The following PLCB1 variants were observed in gnomAD, a reference collection of about 807,000 sequenced individuals.
PLCB1 encodes the protein phospholipase C beta 1, also known as 1-phosphatidylinositol 4,5-bisphosphate phosphodiesterase beta-1.
A neutral mutation model predicts 161.8 loss-of-function variants in PLCB1; 46 were observed. The ratio of observed to expected loss-of-function variants is 0.28; its 90% CI spans 0.22 to 0.36. The LOEUF is 0.36. Among genes scored for constraint, PLCB1 ranks in the 10% least tolerant of loss-of-function variants. PLCB1 has a pLI of 1.00. For missense variants in PLCB1, 1,016 were observed against 1,472.5 expected, an observed-to-expected ratio of 0.69 and a Z score of 5.07; for synonymous variants, 517 against 503.7, an observed-to-expected ratio of 1.03 and a Z score of -0.35.
At chr20:8,313,251 A>G (rs1302229392) in intron 2 of PLCB1, among the ~76,000 whole-genome samples, 1 of 152,230 alleles carries the variant, frequency 6.6e-6, no homozygotes, top group African/African-American at 2.4e-5. Context: ...TAGTTTGTCA[A>G]CATAGACTGG....
At chr20:8,391,505 A>C (rs1987583135) in intron 3 of PLCB1, among the ~76,000 whole-genome samples, 1 of 152,012 alleles carries the variant, frequency 6.6e-6, no homozygotes, top group Admixed American at 6.6e-5. Context: ...CACTGTTTTG[A>C]AATGGAATAA....
At chr20:8,803,431 ATTTTTTTT>A (rs11404680) in intron 31 of PLCB1, among the ~76,000 whole-genome samples, 1 of 138,366 alleles carries the variant, frequency 7.2e-6, no homozygotes, top group Non-Finnish European at 1.5e-5. Context: ...TGGGCCTTTG[ATTTTTTTT>A]TTTTTTTTTC....
At chr20:8,163,415 T>C (rs8124012) in intron 2 of PLCB1, among the ~76,000 whole-genome samples, 3,481 of 152,202 alleles carry the variant, frequency 0.023, 140 homozygotes, top group African/African-American at 0.078. Context: ...CCCTCAGACA[T>C]AGATGCAGCT....
At chr20:8,283,147 C>T (rs1322698426) in intron 2 of PLCB1, among the ~76,000 whole-genome samples, 1 of 152,166 alleles carries the variant, frequency 6.6e-6, no homozygotes, top group African/African-American at 2.4e-5. Flanking sequence ...CCAGAAGTGA[C>T]ACATATTATC....
chr20:8,198,354 T>G (rs1471934801), intron 2 of PLCB1, among the ~76,000 whole-genome samples: 6 of 152,124 alleles, frequency 3.9e-5, no homozygotes, highest in African/African-American at 1.4e-4. Context: ...GGTTTGTAGT[T>G]CTCCTTGAAG....
At position 8,826,494 on chromosome 20, in the gene PLCB1, T is replaced by TG. The variant is rs1985710535; in HGVS notation, c.3423+36233_3423+36234insG. 8.2e-5 allele frequency among the ~76,000 whole-genome samples: 5 copies of TG among 60,984 alleles called. No individual in the cohort carries two copies. In the Admixed American group the frequency reaches 1.2e-3, roughly 15 times the overall value. 40.0% of individuals were successfully genotyped at this position (60,984 alleles called of 152,430 possible). A position where few individuals can be genotyped will look rare whatever the true frequency, so the allele number is the denominator to read the frequency against. On this transcript the variant is annotated intron_variant, in intron 31 of 31. Coordinates refer to ENST00000338037, the MANE Select transcript of PLCB1 (RefSeq NM_015192.4). Reference sequence around the variant, plus strand: ...CTGGGCAACAGAGCGAGACTCCGTCTCAAAAAAAAAAAAAAAGAAAAGAAA... The same window carrying TG: ...CTGGGCAACAGAGCGAGACTCCGTCTGCAAAAAAAAAAAAAAAGAAAAGAAA...
At chr20:8,472,245 G>A (rs1231604358) in intron 3 of PLCB1, among the ~76,000 whole-genome samples, 6 of 152,008 alleles carry the variant, frequency 3.9e-5, no homozygotes, top group African/African-American at 4.8e-5. Context: ...AGTTTTTTGG[G>A]GGCCAAATTG....
At chr20:8,519,568 G>C (rs1984271119) in intron 3 of PLCB1, among the ~76,000 whole-genome samples, 1 of 152,096 alleles carries the variant, frequency 6.6e-6, no homozygotes, top group Non-Finnish European at 1.5e-5. Flanking sequence ...TTAGGGATCA[G>C]AATATTTTTG....
intron 3 of PLCB1, among the ~76,000 whole-genome samples, chr20:8,520,032 C>T (rs1984287488): frequency 6.6e-6 from 1 of 152,118 alleles, no homozygotes; most frequent in Non-Finnish European, 1.5e-5. Context: ...GAAGGAATTG[C>T]ATTTTCTCAA....
intron 3 of PLCB1, among the ~76,000 whole-genome samples, chr20:8,487,409 C>T (rs1041244578): frequency 6.6e-6 from 1 of 152,154 alleles, no homozygotes; most frequent in African/African-American, 2.4e-5. Context: ...AGCAGTGCTT[C>T]TCAGGGACAT....
intron 27 of PLCB1, among the ~76,000 whole-genome samples, chr20:8,779,978 A>G (rs1983131933): frequency 1.3e-5 from 2 of 152,124 alleles, no homozygotes; most frequent in East Asian, 3.9e-4. Flanking sequence ...CCTCCACCCC[A>G]TTCACGTGCT....
At chr20:8,736,204 G>C (rs115549636) in intron 19 of PLCB1, among the ~76,000 whole-genome samples, 2,143 of 152,272 alleles carry the variant, frequency 0.014, 39 homozygotes, top group African/African-American at 0.047. Flanking sequence ...AGCACATCTT[G>C]TTTGCCTCCG....
Position 8,132,366 on chromosome 20 carries a change from G to T in PLCB1, c.-286G>T. The T allele has an allele frequency of 3.9e-6, 1 of 257,156 alleles. No homozygotes were observed. Among genetic ancestry groups the T allele is most frequent in the Non-Finnish European group, 7.3e-6 (1 of 136,586 alleles). 15.9% of individuals were successfully genotyped at this position (257,156 alleles called of 1,614,324 possible). On this transcript the variant is annotated 5_prime_UTR_variant, in exon 1 of 32. Transcript: ENST00000338037. This position sits in a 1 kb window ranked among gnomAD's most constrained non-coding sequence, Gnocchi z 5.2. ...TCCGCCGCGACTGGCAGCCTCGGCT[G>T]ACCGGCTCGGCTTCTCTTCGCCTTC...
intron 10 of PLCB1, among the ~76,000 whole-genome samples, chr20:8,685,903 T>A (rs1990348345): frequency 6.6e-6 from 1 of 152,224 alleles, no homozygotes; most frequent in African/African-American, 2.4e-5. Flanking sequence ...AAATTAAGCC[T>A]TGACCTATTT....
intron 2 of PLCB1, among the ~76,000 whole-genome samples, chr20:8,344,347 G>C (rs1482119207): frequency 1.3e-5 from 2 of 152,160 alleles, no homozygotes; most frequent in Non-Finnish European, 1.5e-5. Flanking sequence ...CGTGTCCTTA[G>C]TCCACCCTCT....
intron 31 of PLCB1, among the ~76,000 whole-genome samples, chr20:8,800,645 A>C (rs1395026077): frequency 6.6e-6 from 1 of 152,152 alleles, no homozygotes; most frequent in Admixed American, 6.5e-5. Flanking sequence ...AGAATAGAAA[A>C]TACATTGTTT....
At chr20:8,428,954 T>A (rs1400374239) in intron 3 of PLCB1, among the ~76,000 whole-genome samples, 2 of 152,202 alleles carry the variant, frequency 1.3e-5, no homozygotes, top group Non-Finnish European at 2.9e-5. Flanking sequence ...GGTTTGTGGA[T>A]TAGTTGTGTG....
rs202047262 is a variant in PLCB1, at chr20:8,658,503, A to G, written c.696-35A>G. On this transcript the variant is annotated intron_variant, in intron 8 of 31. Coordinates refer to ENST00000338037, the MANE Select transcript of PLCB1 (RefSeq NM_015192.4). ...AATATTAGAATGAAACTTAGTTTAA[A>G]AAATTCTTATTGCTTGGTTTTTCAT... 17 of 1,519,110 alleles carry G rather than the reference A, an allele frequency of 1.1e-5. No homozygotes were observed. The East Asian group carries it at 3.9e-4, about 35-fold the overall frequency. The allele number at this position is 1,519,110 out of a possible 1,614,324, so 94.1% of individuals were successfully genotyped here.
At chr20:8,370,724 A>G (rs1486069033) in intron 2 of PLCB1, among the ~76,000 whole-genome samples, 1 of 152,184 alleles carries the variant, frequency 6.6e-6, no homozygotes, top group Non-Finnish European at 1.5e-5. Context: ...GTCAACTTTA[A>G]AATTGGCATT....
Sources: gnomAD v4.1 joint callset for allele counts (sites outside exome capture counted in the v4.1 genomes callset) on GRCh38, gnomAD v4.1.1 for gene constraint, Gnocchi (gnomAD v3.1) non-coding constraint, MANE v1.5 for transcripts, NCBI Gene and HGNC (gene_info 2026-07-23, HGNC 2026-07-21) for gene names.